RBFOX1: variants seen among roughly 807,000 people sequenced by gnomAD.
RBFOX1 encodes RNA binding protein fox-1 homolog 1.
Under a neutral mutation model 57.7 loss-of-function variants are expected in RBFOX1, and 8 were observed. The observed-to-expected ratio is 0.14, with a 90% CI of 0.08 to 0.25. The LOEUF (loss-of-function observed/expected upper bound fraction) is 0.25, where lower values mean the gene tolerates loss of function less well. RBFOX1 is among the 10% of genes least tolerant of loss of function. The pLI, the probability that RBFOX1 is intolerant of heterozygous loss-of-function variation, is 1.00. For synonymous variants in RBFOX1, 326 were observed against 222.4 expected (o/e 1.47, Z -4.15); for missense variants, 611 against 548.5 (o/e 1.11, Z -1.14).
intron 3 of RBFOX1, among the ~76,000 whole-genome samples, chr16:6,860,386 C>G (rs931269724): frequency 2.6e-5 from 4 of 152,148 alleles, no homozygotes; most frequent in African/African-American, 7.2e-5. Context: ...TTATTTCAAA[C>G]TCTTCAAATC....
intron 2 of RBFOX1, among the ~76,000 whole-genome samples, chr16:6,350,456 A>C (rs917837433): frequency 1.5e-4 from 1 of 6,770 alleles, no homozygotes; most frequent in Non-Finnish European, 5.9e-4. Flanking sequence ...AAAAAAAAAA[A>C]AAAAAAAAAA....
intron 1 of RBFOX1, among the ~76,000 whole-genome samples, chr16:5,424,701 G>A (rs957358237): frequency 6.6e-6 from 1 of 151,956 alleles, no homozygotes; most frequent in African/African-American, 2.4e-5. Flanking sequence ...GATTCTGAGG[G>A]CGCACGTGTG....
At chr16:5,351,609 C>G (rs2065263792) in intron 1 of RBFOX1, among the ~76,000 whole-genome samples, 1 of 152,186 alleles carries the variant, frequency 6.6e-6, no homozygotes, top group Non-Finnish European at 1.5e-5. Flanking sequence ...TAAGCCTTTC[C>G]TCTCTATGGA....
chr16:6,508,881 A>T (rs2096183719), intron 2 of RBFOX1, among the ~76,000 whole-genome samples: 1 of 152,122 alleles, frequency 6.6e-6, no homozygotes. Context: ...AAAAAAAAAA[A>T]ATAAAGATTC....
intron 4 of RBFOX1, among the ~76,000 whole-genome samples, chr16:7,104,532 T>A (rs1406280756): frequency 6.6e-6 from 1 of 152,162 alleles, no homozygotes; most frequent in Non-Finnish European, 1.5e-5. Context: ...ATGGCTTACC[T>A]AAGATTACGC....
chr16:5,303,197 A>C (rs2063846735), intron 1 of RBFOX1, among the ~76,000 whole-genome samples: 1 of 152,180 alleles, frequency 6.6e-6, no homozygotes, highest in African/African-American at 2.4e-5. Context: ...ACTGCAGTGG[A>C]TGCCTCACTG....
intron 1 of RBFOX1, among the ~76,000 whole-genome samples, chr16:6,239,891 T>C (rs891024279): frequency 1.3e-5 from 2 of 152,142 alleles, no homozygotes; most frequent in South Asian, 2.1e-4. Flanking sequence ...TGATATAGTT[T>C]GGGTAGTTGT....
intron 3 of RBFOX1, among the ~76,000 whole-genome samples, chr16:5,625,270 T>C (rs1387494242): frequency 6.6e-6 from 1 of 151,860 alleles, no homozygotes; most frequent in East Asian, 1.9e-4. Flanking sequence ...GGTAGGGGCG[T>C]AGGAAGCATT....
At chr16:7,431,442 T>C (rs2098679042) in intron 4 of RBFOX1, 2 of 151,890 alleles carry the variant, frequency 1.3e-5, no homozygotes, top group Admixed American at 6.6e-5. Flanking sequence ...GTTCTTACTG[T>C]GTTGCCCAGA....
At chr16:6,727,641 A>G (rs1648249003) in intron 3 of RBFOX1, among the ~76,000 whole-genome samples, 1 of 151,912 alleles carries the variant, frequency 6.6e-6, no homozygotes, top group African/African-American at 2.4e-5. Flanking sequence ...AGGGTCTTCT[A>G]CCCCCTCCTT....
chr16:6,218,953 CA>C lies in RBFOX1; in HGVS notation c.-126-98041del, dbSNP rs368880312. ...ATAGGGTATTAACTGTGGTTTTCAA[CA>C]TAAAAGCATAATAGTCAGTAGCACG... On this transcript the variant is annotated intron_variant, in intron 1 of 15. Coordinates refer to ENST00000550418, the MANE Select transcript of RBFOX1 (RefSeq NM_018723.4). 7.0e-3 allele frequency among the ~76,000 whole-genome samples: 1,059 copies of C among 152,082 alleles called. 8 individuals carry two copies. Among genetic ancestry groups the C allele is most frequent in the South Asian group, 0.03 (144 of 4,810 alleles).
intron 2 of RBFOX1, among the ~76,000 whole-genome samples, chr16:5,549,656 A>C (rs1202935114): frequency 1.3e-5 from 2 of 152,220 alleles, no homozygotes; most frequent in African/African-American, 4.8e-5. Flanking sequence ...AAACTTCATC[A>C]GTGAGATGTT....
intron 3 of RBFOX1, among the ~76,000 whole-genome samples, chr16:5,794,541 C>G (rs2054812135): frequency 6.6e-6 from 1 of 151,938 alleles, no homozygotes; most frequent in African/African-American, 2.4e-5. Context: ...GTGTGTGCAG[C>G]CTTTCAGATT....
chr16:5,362,276 C>T (rs540973042), intron 1 of RBFOX1, among the ~76,000 whole-genome samples: 8 of 151,804 alleles, frequency 5.3e-5, no homozygotes, highest in Non-Finnish European at 5.9e-5. Context: ...CTGCAGCCTC[C>T]GCCTCCTGGG....
intron 4 of RBFOX1, among the ~76,000 whole-genome samples, chr16:7,329,711 C>T (rs898158760): frequency 5.9e-5 from 9 of 152,058 alleles, no homozygotes; most frequent in African/African-American, 2.2e-4. Context: ...GTGATCGCGA[C>T]TGGAGGTGGG....
In RBFOX1 at chr16:5,438,918, A is replaced by C. The variant is rs2067998875; in HGVS notation, c.220-28298A>C. Among the ~76,000 whole-genome samples, 3 of 151,714 alleles carry C rather than the reference A, an allele frequency of 2.0e-5. No homozygotes were observed. In the South Asian group the frequency reaches 6.3e-4, roughly 32 times the overall value. ...AGAAGGTCTCTCTTGTCTTCAAGCT[A>C]ATGTTCTAGTAGTTGTGTGGATGGG... On this transcript the variant is annotated intron_variant, in intron 1 of 2. Transcript: ENST00000585867.
chr16:5,856,551 G>GTGTGTGTGTA lies in RBFOX1; in HGVS notation c.319-10743_319-10742insATGTGTGTGT, dbSNP rs1555547832. 1.7e-3 allele frequency among the ~76,000 whole-genome samples: 109 copies of GTGTGTGTGTA among 63,950 alleles called. 6 individuals are homozygous for GTGTGTGTGTA. Among genetic ancestry groups the GTGTGTGTGTA allele is most frequent in the African/African-American group, 6.6e-3 (106 of 16,022 alleles). 42.0% of individuals were successfully genotyped at this position (63,950 alleles called of 152,430 possible). A position where few individuals can be genotyped will look rare whatever the true frequency, so the allele number is the denominator to read the frequency against. On this transcript the variant is annotated intron_variant, in intron 3 of 19. Transcript: ENST00000641259. The stretch of plus-strand genomic sequence containing the variant: ...CATATATGTGTATGTGTGTGTGTGT[G>GTGTGTGTGTA]TGTGTGTGTGTATGTGTGTGTGTGT...
intron 4 of RBFOX1, among the ~76,000 whole-genome samples, chr16:7,405,048 G>C (rs1393530103): frequency 6.6e-6 from 1 of 152,212 alleles, no homozygotes; most frequent in Non-Finnish European, 1.5e-5. Context: ...TAACGCATAA[G>C]GGTGTGTTTT....
At chr16:5,644,798 C>T (rs936126400) in intron 3 of RBFOX1, among the ~76,000 whole-genome samples, 6 of 152,204 alleles carry the variant, frequency 3.9e-5, no homozygotes, top group Non-Finnish European at 8.8e-5. Flanking sequence ...AGCTGATGGA[C>T]ATTTGGGTTA....
Sources: allele counts gnomAD v4.1 joint callset (sites outside exome capture counted in the v4.1 genomes callset), GRCh38; gene constraint gnomAD v4.1.1; transcripts MANE v1.5; gene names NCBI Gene and HGNC (gene_info 2026-07-23, HGNC 2026-07-21).